The following SNX29 variants were observed in gnomAD, a reference collection of about 807,000 sequenced individuals.
The protein encoded by SNX29 is sorting nexin-29.
In SNX29, 78 loss-of-function variants were observed where a neutral mutation model predicts 102.1. The observed-to-expected ratio is 0.76, with a 90% CI of 0.64 to 0.92. The LOEUF is 0.92. SNX29 is among the 40% of genes least tolerant of loss of function. The pLI is 0.00. For missense variants in SNX29, 1,280 were observed against 1,061.7 expected (o/e 1.21, Z -2.86); for synonymous variants, 580 against 414.5 (o/e 1.40, Z -4.85).
chr16:12,042,714 A>C lies in SNX29; in HGVS notation c.248-183A>C, dbSNP rs535357040. Reference sequence around the variant, plus strand: ...TGTGTAAATGTACCACATTTTGTTTATCCAGTCCACTATTGATGGGTATCT... The same window carrying C: ...TGTGTAAATGTACCACATTTTGTTTCTCCAGTCCACTATTGATGGGTATCT... On this transcript the variant is annotated intron_variant, in intron 4 of 20. Transcript: ENST00000566228. Among the ~76,000 whole-genome samples the C allele has an allele frequency of 2.0e-5, 3 of 152,214 alleles. No individual in the cohort carries two copies. In the South Asian group the frequency reaches 6.2e-4, roughly 32 times the overall value.
At chr16:12,484,900 G>A (rs1341698723) in intron 19 of SNX29, among the ~76,000 whole-genome samples, 1 of 152,172 alleles carries the variant, frequency 6.6e-6, no homozygotes, top group Admixed American at 6.5e-5. Flanking sequence ...CACCAGCATG[G>A]AAGCTCATGA....
intron 11 of SNX29, among the ~76,000 whole-genome samples, chr16:12,099,032 T>C (rs2052892441): frequency 6.6e-6 from 1 of 151,988 alleles, no homozygotes; most frequent in Non-Finnish European, 1.5e-5. Context: ...CATGTGAAAA[T>C]GGGAGGTCAG....
intron 14 of SNX29, among the ~76,000 whole-genome samples, chr16:12,208,132 C>G (rs934178395): frequency 6.6e-6 from 1 of 152,156 alleles, no homozygotes; most frequent in Non-Finnish European, 1.5e-5. Context: ...TTATCATTCT[C>G]CTTTCTGCCC....
intron 11 of SNX29, among the ~76,000 whole-genome samples, chr16:12,124,565 C>T (rs569132631): frequency 1.3e-5 from 2 of 152,224 alleles, no homozygotes; most frequent in Admixed American, 6.5e-5. Context: ...TGTTCAGATA[C>T]TTATGTAGTT....
chr16:12,219,875 A>G (rs1483932139), intron 14 of SNX29, among the ~76,000 whole-genome samples: 1 of 151,918 alleles, frequency 6.6e-6, no homozygotes, highest in Non-Finnish European at 1.5e-5. Flanking sequence ...TGGCTCAATC[A>G]CTCGTACATT....
chr16:12,208,792 G>T (rs962835657), intron 14 of SNX29, among the ~76,000 whole-genome samples: 5 of 151,052 alleles, frequency 3.3e-5, no homozygotes, highest in African/African-American at 9.7e-5. Flanking sequence ...ACTGAGCCAT[G>T]ATCATGCTAC....
At chr16:12,266,686 G>GAGAAAA (rs1555500645) in intron 14 of SNX29, among the ~76,000 whole-genome samples, 1 of 130,956 alleles carries the variant, frequency 7.6e-6, no homozygotes, top group East Asian at 2.2e-4. Flanking sequence ...ATCTATTATT[G>GAGAAAA]AAAAAAAAAA....
At chr16:12,120,869 GA>G (rs1000194142) in intron 11 of SNX29, among the ~76,000 whole-genome samples, 3 of 152,146 alleles carry the variant, frequency 2.0e-5, no homozygotes, top group African/African-American at 7.2e-5. Flanking sequence ...ATGCATAATG[GA>G]AAAAGCTCAA....
At chr16:12,499,830 C>G (rs2089021628) in intron 19 of SNX29, among the ~76,000 whole-genome samples, 1 of 152,080 alleles carries the variant, frequency 6.6e-6, no homozygotes, top group South Asian at 2.1e-4. Flanking sequence ...TACGCACAAC[C>G]ATGCCTGGCT....
chr16:12,057,062 T>C (rs1596719862), intron 8 of SNX29, among the ~76,000 whole-genome samples: 1 of 152,104 alleles, frequency 6.6e-6, no homozygotes, highest in East Asian at 1.9e-4. Flanking sequence ...GATCCTCCTA[T>C]GTTGGCCTCC....
intron 15 of SNX29, among the ~76,000 whole-genome samples, chr16:12,328,772 T>G (rs1460981290): frequency 1.3e-5 from 2 of 152,194 alleles, no homozygotes; most frequent in African/African-American, 4.8e-5. Flanking sequence ...TTTTTTTCAT[T>G]ATTGCCACAA....
intron 15 of SNX29, among the ~76,000 whole-genome samples, chr16:12,327,765 G>A (rs1030191178): frequency 6.6e-6 from 1 of 152,116 alleles, no homozygotes; most frequent in Non-Finnish European, 1.5e-5. Context: ...TCAGGCTGTT[G>A]ATGCTTGCAG....
chr16:12,188,270 T>A (rs1238592583), intron 13 of SNX29, among the ~76,000 whole-genome samples: 1 of 152,222 alleles, frequency 6.6e-6, no homozygotes, highest in Non-Finnish European at 1.5e-5. Context: ...TGAAGGTAGA[T>A]ACTTTCATCA....
intron 20 of SNX29, among the ~76,000 whole-genome samples, chr16:12,529,829 C>T (rs972206181): frequency 1.3e-5 from 2 of 152,164 alleles, no homozygotes; most frequent in African/African-American, 2.4e-5. Context: ...GTCACTTGAA[C>T]CTAAGCTGCT....
intron 15 of SNX29, among the ~76,000 whole-genome samples, chr16:12,340,561 GTTGGTC>G (rs1567455661): frequency 6.6e-6 from 1 of 152,164 alleles, no homozygotes; most frequent in African/African-American, 2.4e-5. Context: ...TTCTGGAAAC[GTTGGTC>G]TGTGAGTCAT....
intron 19 of SNX29, among the ~76,000 whole-genome samples, chr16:12,502,843 C>T (rs1190709898): frequency 6.6e-6 from 1 of 152,130 alleles, no homozygotes; most frequent in Non-Finnish European, 1.5e-5. Context: ...ATGTTTCCAG[C>T]CATCATTAAA....
chr16:12,123,450 C>T (rs913431067), intron 11 of SNX29, among the ~76,000 whole-genome samples: 1 of 152,156 alleles, frequency 6.6e-6, no homozygotes, highest in Admixed American at 6.5e-5. Context: ...ATCTCTCTCA[C>T]ATCCTCATGT....
intron 20 of SNX29, among the ~76,000 whole-genome samples, chr16:12,568,151 G>GAA (rs1424218341): frequency 6.6e-6 from 1 of 152,172 alleles, no homozygotes; most frequent in Non-Finnish European, 1.5e-5. Flanking sequence ...CTTGGACTTA[G>GAA]AAGCGTACCT....
intron 18 of SNX29, among the ~76,000 whole-genome samples, chr16:12,403,896 G>C (rs989145414): frequency 3.3e-5 from 5 of 152,174 alleles, no homozygotes; most frequent in African/African-American, 1.2e-4. Context: ...GCCATATCCT[G>C]TGTCTGCTGC....
Sources: allele counts gnomAD v4.1 joint callset (sites outside exome capture counted in the v4.1 genomes callset), GRCh38; gene constraint gnomAD v4.1.1; transcripts MANE v1.5; gene names NCBI Gene and HGNC (gene_info 2026-07-23, HGNC 2026-07-21).